The following CAMKMT variants were observed in gnomAD, a reference collection of about 807,000 sequenced individuals.
CAMKMT encodes calmodulin-lysine N-methyltransferase.
CAMKMT carries 53 observed loss-of-function variants against 48.0 expected under a neutral mutation model. That is an observed-to-expected ratio of 1.10 (90% CI 0.89 to 1.39). The LOEUF (loss-of-function observed/expected upper bound fraction) is 1.39. Among genes scored for constraint, CAMKMT ranks in the 40% most tolerant of loss-of-function variants. The pLI, the probability that CAMKMT is intolerant of heterozygous loss-of-function variation, is 0.00. For missense variants in CAMKMT, 428 were observed against 402.7 expected, an observed-to-expected ratio of 1.06 and a Z score of -0.54; for synonymous variants, 165 against 152.3, an observed-to-expected ratio of 1.08 and a Z score of -0.61.
intron 3 of CAMKMT, among the ~76,000 whole-genome samples, chr2:44,559,549 A>G (rs1345925947): frequency 8.7e-6 from 1 of 114,356 alleles, no homozygotes; most frequent in Non-Finnish European, 2.3e-5. Context: ...TTACATAACC[A>G]CTTTTTTTTT....
At chr2:44,372,110 T>A (rs1036418776) in intron 1 of CAMKMT, among the ~76,000 whole-genome samples, 2 of 152,216 alleles carry the variant, frequency 1.3e-5, no homozygotes, top group Non-Finnish European at 2.9e-5. Context: ...TGGTTCTTTC[T>A]TTTAGAATTG....
Position 44,732,787 on chromosome 2 carries a change from G to A in CAMKMT, c.624-10835G>A, listed in dbSNP as rs551840768. On this transcript the variant is annotated intron_variant, in intron 7 of 10. Transcript: ENST00000378494. ...TGGGTTGCTTGTTTTTCTTATCATT[G>A]ACATACTCTGGGAGTTCTTTATATA... 1.8e-3 allele frequency among the ~76,000 whole-genome samples: 271 copies of A among 152,236 alleles called. 2 individuals are homozygous for A. The highest frequency in any genetic ancestry group is 6.8e-3 in the Middle Eastern group (2 of 294).
At chr2:44,574,558 G>T (rs1250288714) in intron 3 of CAMKMT, among the ~76,000 whole-genome samples, 3 of 151,808 alleles carry the variant, frequency 2.0e-5, no homozygotes, top group African/African-American at 7.3e-5. Flanking sequence ...CCTGAGAGGG[G>T]CAATCTAAGA....
chr2:44,729,597 C>G (rs1269331333), intron 7 of CAMKMT, among the ~76,000 whole-genome samples: 3 of 152,058 alleles, frequency 2.0e-5, no homozygotes, highest in Non-Finnish European at 2.9e-5. Context: ...ATCATCAGGG[C>G]AGGTGAAGCA....
At chr2:44,771,658 C>T (rs2104413755) in intron 10 of CAMKMT, among the ~76,000 whole-genome samples, 1 of 152,304 alleles carries the variant, frequency 6.6e-6, no homozygotes, top group East Asian at 1.9e-4. Flanking sequence ...GCCCGCCTGC[C>T]TGAATAGTGT....
At chr2:44,402,148 G>T (rs1682430716) in intron 3 of CAMKMT, among the ~76,000 whole-genome samples, 1 of 152,050 alleles carries the variant, frequency 6.6e-6, no homozygotes, top group Non-Finnish European at 1.5e-5. Context: ...CCAACATGGT[G>T]AAACCCCGTC....
chr2:44,604,013 C>G lies in CAMKMT; in HGVS notation c.377-100270C>G, dbSNP rs141648347. Among the ~76,000 whole-genome samples, 583 of 152,298 alleles carry G rather than the reference C, an allele frequency of 3.8e-3. 6 individuals are homozygous for G. Among genetic ancestry groups the G allele is most frequent in the African/African-American group, 0.013 (552 of 41,560 alleles). On this transcript the variant is annotated intron_variant, in intron 3 of 10. Coordinates refer to ENST00000378494, the MANE Select transcript of CAMKMT (RefSeq NM_024766.5). ...ATTGCTTACCTCTTTCTCCTCTTCTCACAGGACAGGCTATGTTAATTACTT... is the reference window on the plus strand; with the variant it reads ...ATTGCTTACCTCTTTCTCCTCTTCTGACAGGACAGGCTATGTTAATTACTT...
chr2:44,697,474 A>G (rs1677018511), intron 3 of CAMKMT, among the ~76,000 whole-genome samples: 1 of 152,120 alleles, frequency 6.6e-6, no homozygotes, highest in African/African-American at 2.4e-5. Flanking sequence ...CCCATTGTGA[A>G]TGAATGTATT....
At chr2:44,400,110 C>A (rs1182229026) in intron 3 of CAMKMT, among the ~76,000 whole-genome samples, 1 of 152,110 alleles carries the variant, frequency 6.6e-6, no homozygotes, top group African/African-American at 2.4e-5. Flanking sequence ...CCAAACAAAT[C>A]TGTTCATTCT....
At chr2:44,679,892 G>T (rs1359786913) in intron 3 of CAMKMT, among the ~76,000 whole-genome samples, 1 of 152,176 alleles carries the variant, frequency 6.6e-6, no homozygotes, top group Non-Finnish European at 1.5e-5. Context: ...TCCGCTAAGT[G>T]GTTAGTAAAA....
chr2:44,689,635 G>T (rs1472347146), intron 3 of CAMKMT, among the ~76,000 whole-genome samples: 2 of 151,978 alleles, frequency 1.3e-5, no homozygotes, highest in Admixed American at 6.6e-5. Flanking sequence ...GTGTTTCTGG[G>T]GAAATCCATG....
At chr2:44,408,521 TA>T (rs1459410875) in intron 3 of CAMKMT, among the ~76,000 whole-genome samples, 1 of 152,172 alleles carries the variant, frequency 6.6e-6, no homozygotes, top group Non-Finnish European at 1.5e-5. Context: ...TTTATTTCTT[TA>T]CATCTTCAGA....
At position 44,632,216 on chromosome 2, in the gene CAMKMT, CCTT is replaced by C. The variant is rs151197417; in HGVS notation, c.377-72063_377-72061del. Among the ~76,000 whole-genome samples, 1,283 of 152,222 alleles carry C rather than the reference CCTT, an allele frequency of 8.4e-3. 13 individuals carry two copies. Among genetic ancestry groups the C allele is most frequent in the African/African-American group, 0.024 (986 of 41,546 alleles). ...ATACCATTTTCCTTTCACTTGAAGACCTTCTTTAATTATTTCTCACTGTGCAAG... is the reference window on the plus strand; with the variant it reads ...ATACCATTTTCCTTTCACTTGAAGACCTTTAATTATTTCTCACTGTGCAAG... On this transcript the variant is annotated intron_variant, in intron 3 of 10. Coordinates refer to ENST00000378494, the MANE Select transcript of CAMKMT (RefSeq NM_024766.5).
At chr2:44,364,426 C>T (rs1444765384) in intron 1 of CAMKMT, among the ~76,000 whole-genome samples, 1 of 152,136 alleles carries the variant, frequency 6.6e-6, no homozygotes, top group Non-Finnish European at 1.5e-5. Flanking sequence ...CCAACTCTAC[C>T]AATGAGCCCT....
At chr2:44,668,819 A>G (rs1327207526) in intron 3 of CAMKMT, among the ~76,000 whole-genome samples, 2 of 150,962 alleles carry the variant, frequency 1.3e-5, no homozygotes, top group African/African-American at 4.9e-5. Context: ...TCTCACTCTG[A>G]TGCCCAGGCT....
intron 3 of CAMKMT, among the ~76,000 whole-genome samples, chr2:44,416,377 A>T (rs1683551399): frequency 6.6e-6 from 1 of 152,144 alleles, no homozygotes; most frequent in Non-Finnish European, 1.5e-5. Context: ...TTATACATTC[A>T]TGTAACCTAT....
At chr2:44,447,573 A>G (rs539355482) in intron 3 of CAMKMT, among the ~76,000 whole-genome samples, 4 of 152,184 alleles carry the variant, frequency 2.6e-5, no homozygotes, top group Non-Finnish European at 2.9e-5. Flanking sequence ...TATTGTGGCT[A>G]TGTTTCATGT....
intron 3 of CAMKMT, among the ~76,000 whole-genome samples, chr2:44,688,476 A>G (rs1034721736): frequency 1.3e-5 from 2 of 151,314 alleles, no homozygotes; most frequent in East Asian, 1.9e-4. Flanking sequence ...TCATACATAT[A>G]TATGTGTATA....
At chr2:44,503,709 T>A (rs1340731207) in intron 3 of CAMKMT, among the ~76,000 whole-genome samples, 1 of 152,094 alleles carries the variant, frequency 6.6e-6, no homozygotes, top group Non-Finnish European at 1.5e-5. Context: ...GTGACAGAGT[T>A]GTAGTTTCAA....
Sources: allele counts gnomAD v4.1 joint callset (sites outside exome capture counted in the v4.1 genomes callset), GRCh38; gene constraint gnomAD v4.1.1; transcripts MANE v1.5; gene names NCBI Gene and HGNC (gene_info 2026-07-23, HGNC 2026-07-21).